DAGLA: variants seen among roughly 807,000 people sequenced by gnomAD.
DAGLA encodes the protein diacylglycerol lipase-alpha.
In DAGLA, 22 loss-of-function variants were observed where a neutral mutation model predicts 102.6. That is an observed-to-expected ratio of 0.21 (90% CI 0.15 to 0.31). The LOEUF (loss-of-function observed/expected upper bound fraction) is 0.31. Ranked by LOEUF, DAGLA falls within the 10% of genes least tolerant of loss-of-function variation. The pLI is 1.00. For missense variants in DAGLA, 927 were observed against 1,446.6 expected (o/e 0.64, Z 5.83); for synonymous variants, 578 against 628.9 (o/e 0.92, Z 1.21).
chr11:61,696,168 G>T (rs1223469606), intron 1 of DAGLA, among the ~76,000 whole-genome samples: 1 of 152,204 alleles, frequency 6.6e-6, no homozygotes, highest in African/African-American at 2.4e-5. Context: ...ACCCCGTTCC[G>T]TAGGTGTCAG....
intron 1 of DAGLA, among the ~76,000 whole-genome samples, chr11:61,710,481 T>C (rs933485779): frequency 6.6e-6 from 1 of 151,794 alleles, no homozygotes; most frequent in African/African-American, 2.4e-5. Context: ...GGCTTTGGAG[T>C]GTTCTAGAGT....
chr11:61,691,778 C>T (rs575209038), intron 1 of DAGLA, among the ~76,000 whole-genome samples: 11 of 152,340 alleles, frequency 7.2e-5, no homozygotes, highest in East Asian at 3.9e-4. Flanking sequence ...TCAGGCCAGA[C>T]GGTCTGGCTG....
rs57149946 is a variant in DAGLA, at chr11:61,683,645, G to A, written c.-45+3141G>A. Among the ~76,000 whole-genome samples, 1,265 of 152,194 alleles carry A rather than the reference G, an allele frequency of 8.3e-3. 22 individuals are homozygous for A. The highest frequency in any genetic ancestry group is 0.028 in the African/African-American group (1,150 of 41,508). On this transcript the variant is annotated intron_variant, in intron 1 of 19. Coordinates refer to ENST00000257215, the MANE Select transcript of DAGLA (RefSeq NM_006133.3). ...TCAGCCACCCTTTGCCTTCTGCTTG[G>A]GATGCTGGGACTGCCCACCAGAGCT...
chr11:61,713,911 A>G (rs2065214317), intron 1 of DAGLA, among the ~76,000 whole-genome samples: 1 of 152,154 alleles, frequency 6.6e-6, no homozygotes, highest in South Asian at 2.1e-4. Context: ...GTTCCTCTCC[A>G]CTATTTTGGA....
chr11:61,723,571 C>T lies in DAGLA; in HGVS notation c.547C>T (p.Arg183Trp), dbSNP rs143010103. ...RQRNLRTYNL[R>W]HRLEEGQATS... ...GCGTAACCTGCGGACCTACAACCTGCGGTCAGTCAGCGGGCTGGGTGGGCA... is the reference window on the plus strand; with the variant it reads ...GCGTAACCTGCGGACCTACAACCTGTGGTCAGTCAGCGGGCTGGGTGGGCA... The change falls in exon 5 of 20, where the codon CGG (arginine) becomes TGG (tryptophan). Residue 183 changes from arginine to tryptophan, a missense_variant and splice_region_variant. Physicochemically the swap from Arg to Trp is moderately radical, Grantham distance 101. This residue lies in a region of DAGLA where 231 missense variants were observed against 439.8 expected (regional missense o/e 0.53). Transcript: ENST00000257215. 11 of 1,612,624 alleles carry T rather than the reference C, an allele frequency of 6.8e-6. No individual in the cohort carries two copies. The highest frequency in any genetic ancestry group is 3.3e-5 in the Admixed American group (2 of 59,980).
At chr11:61,704,276 G>A (rs1369214203) in intron 1 of DAGLA, among the ~76,000 whole-genome samples, 1 of 152,054 alleles carries the variant, frequency 6.6e-6, no homozygotes, top group Non-Finnish European at 1.5e-5. Flanking sequence ...GTGCCACCAT[G>A]CCCAGCTAAT....
chr11:61,695,122 A>G (rs938752210), intron 1 of DAGLA, among the ~76,000 whole-genome samples: 1 of 152,108 alleles, frequency 6.6e-6, no homozygotes, highest in African/African-American at 2.4e-5. Flanking sequence ...CAGGGTTGGG[A>G]GCTAAAGTGG....
intron 1 of DAGLA, among the ~76,000 whole-genome samples, chr11:61,710,129 C>T (rs2135569897): frequency 6.6e-6 from 1 of 152,272 alleles, no homozygotes; most frequent in Non-Finnish European, 1.5e-5. Flanking sequence ...GGTACTAATT[C>T]TTCACTGAGG....
Position 61,686,652 on chromosome 11 carries a change from C to T in DAGLA, c.-45+6148C>T, listed in dbSNP as rs188106632. On this transcript the variant is annotated intron_variant, in intron 1 of 19. Transcript: ENST00000257215. This position sits in a 1 kb window ranked among gnomAD's most constrained non-coding sequence, Gnocchi z 5.2. ...GAGACGGTCCTGGCCAGGGAGCCTG[C>T]GGCTCTGGGGTGGAGGTCGGGACGG... Among the ~76,000 whole-genome samples the T allele has an allele frequency of 7.5e-4, 114 of 152,284 alleles. No homozygotes were observed. The highest frequency in any genetic ancestry group is 2.5e-3 in the African/African-American group (105 of 41,548).
chr11:61,741,281 G>A lies in DAGLA; in HGVS notation c.2103G>A (p.Thr701=), dbSNP rs779397358. ...TCTTCCAGCAGCAGCCACTCCCCAC[G>A]GGGCCGCCCATGCCCACTGGCCTTG... ...ELIFQQQPLP[T]GPPMPTGLAL... is the part of the protein sequence containing the mutation. The change falls in exon 19 of 20, where the codon ACG becomes ACA. Residue 701 remains threonine (T), a synonymous_variant. Coordinates refer to ENST00000257215, the MANE Select transcript of DAGLA (RefSeq NM_006133.3). 1.6e-5 allele frequency: 26 copies of A among 1,612,976 alleles called. No homozygotes were observed. Among genetic ancestry groups the A allele is most frequent in the South Asian group, 4.4e-5 (4 of 91,068 alleles).
At position 61,731,450 on chromosome 11, in the gene DAGLA, C is replaced by G; in HGVS notation, c.974+9C>G. ...CTGGCTCGGTCCTGCTCGTGAGTAC[C>G]CCTGTCCCATCCCCCAGCGATTGCA... On this transcript the variant is annotated intron_variant, in intron 9 of 19. Transcript: ENST00000257215. The G allele has an allele frequency of 6.2e-7, 1 of 1,612,912 alleles. No individual in the cohort carries two copies. The highest frequency in any genetic ancestry group is 1.7e-5 in the Admixed American group (1 of 60,004).
At chr11:61,713,670 G>A (rs2065211374) in intron 1 of DAGLA, among the ~76,000 whole-genome samples, 1 of 152,246 alleles carries the variant, frequency 6.6e-6, no homozygotes, top group African/African-American at 2.4e-5. Flanking sequence ...AGCGAGGCCA[G>A]ACAGCGACCT....
intron 8 of DAGLA, 101 bp from the exon 9 acceptor site, chr11:61,731,216 A>G: frequency 6.9e-7 from 1 of 1,448,908 alleles, no homozygotes; most frequent in African/African-American, 1.4e-5. Context: ...CCTCCCTGCC[A>G]GGGGTTGGGT....
intron 10 of DAGLA, 76 bp from the exon 11 acceptor site, chr11:61,735,485 G>A: frequency 7.5e-7 from 1 of 1,341,808 alleles, no homozygotes; most frequent in Non-Finnish European, 1.0e-6. Flanking sequence ...GGCCAGGAAG[G>A]AGACCTGCCT....
intron 6 of DAGLA, among the ~76,000 whole-genome samples, chr11:61,726,905 G>A (rs893847065): frequency 6.6e-6 from 1 of 152,234 alleles, no homozygotes; most frequent in Non-Finnish European, 1.5e-5. Context: ...CCTGGTGGGC[G>A]GGGAGCACCC....
At position 61,686,562 on chromosome 11, in the gene DAGLA, G is replaced by A. The variant is rs1232223692; in HGVS notation, c.-45+6058G>A. Among the ~76,000 whole-genome samples the A allele has an allele frequency of 6.6e-6, 1 of 152,240 alleles. No homozygotes were observed. The highest frequency in any genetic ancestry group is 1.5e-5 in the Non-Finnish European group (1 of 68,042). Reference sequence around the variant, plus strand: ...AGTTCTCTGAGCCTGGAGGAGGATGGAGGAGAACAGGGCTTGCCCTCACCT... The same window carrying A: ...AGTTCTCTGAGCCTGGAGGAGGATGAAGGAGAACAGGGCTTGCCCTCACCT... On this transcript the variant is annotated intron_variant, in intron 1 of 19. Transcript: ENST00000257215. This position sits in a 1 kb window ranked among gnomAD's most constrained non-coding sequence, Gnocchi z 5.2.
chr11:61,744,661 C>T lies in DAGLA; in HGVS notation c.*172C>T. The T allele has an allele frequency of 1.7e-6, 1 of 582,664 alleles. No individual in the cohort carries two copies. Among genetic ancestry groups the T allele is most frequent in the Non-Finnish European group, 3.0e-6 (1 of 338,242 alleles). The allele number at this position is 582,664 out of a possible 1,614,324, so 36.1% of individuals were successfully genotyped here. ...CCGCATCCCTACCTCAGCTTAGGACCCCCAGAGCCAAGGTGGCTGGGATCT... is the reference window on the plus strand; with the variant it reads ...CCGCATCCCTACCTCAGCTTAGGACTCCCAGAGCCAAGGTGGCTGGGATCT... On this transcript the variant is annotated 3_prime_UTR_variant, in exon 20 of 20. Coordinates refer to ENST00000257215, the MANE Select transcript of DAGLA (RefSeq NM_006133.3).
intron 1 of DAGLA, among the ~76,000 whole-genome samples, chr11:61,685,601 A>C (rs1008077266): frequency 1.3e-5 from 2 of 152,200 alleles, no homozygotes; most frequent in African/African-American, 4.8e-5. Flanking sequence ...AGAGCCTATA[A>C]GGTGTAGATT....
chr11:61,731,031 G>A (rs1443162192), intron 8 of DAGLA, among the ~76,000 whole-genome samples: 1 of 152,242 alleles, frequency 6.6e-6, no homozygotes, highest in Admixed American at 6.5e-5. Flanking sequence ...CAAGGAAATG[G>A]ACCAAGTGAT....
Sources: allele counts gnomAD v4.1 joint callset (sites outside exome capture counted in the v4.1 genomes callset), GRCh38; gene constraint gnomAD v4.1.1; regional missense constraint gnomAD v4.1.1; non-coding constraint Gnocchi (gnomAD v3.1); transcripts MANE v1.5; gene names NCBI Gene and HGNC (gene_info 2026-07-23, HGNC 2026-07-21).